Variants in FSIP1 observed in about 807,000 individuals in gnomAD.
FSIP1 encodes fibrous sheath-interacting protein 1.
FSIP1 carries 65 observed loss-of-function variants against 60.9 expected under a neutral mutation model. The ratio of observed to expected loss-of-function variants is 1.07; its 90% CI spans 0.87 to 1.31. The LOEUF is 1.31. FSIP1 is among the 40% of genes most tolerant of loss of function. The probability of loss-of-function intolerance (pLI) is 0.00; values close to 1 mark genes in which losing one functional copy is unlikely to be tolerated. For missense variants in FSIP1, 675 were observed against 665.5 expected, an observed-to-expected ratio of 1.01 and a Z score of -0.16; for synonymous variants, 209 against 221.2, an observed-to-expected ratio of 0.94 and a Z score of 0.49.
chr15:39,776,587 ATTAG>A (rs1898073274), intron 1 of FSIP1, 56 bp from the exon 2 acceptor site: 12 of 1,406,952 alleles, frequency 8.5e-6, no homozygotes, highest in Non-Finnish European at 1.2e-5. Flanking sequence ...TAAATCTTTC[ATTAG>A]TTAGTATTAA....
intron 8 of FSIP1, among the ~76,000 whole-genome samples, chr15:39,731,582 T>A (rs981320053): frequency 3.9e-5 from 6 of 152,194 alleles, no homozygotes; most frequent in Non-Finnish European, 7.3e-5. Context: ...CACTATGCCG[T>A]TACAGAAATA....
chr15:39,689,148 C>T (rs1371443450), intron 10 of FSIP1, among the ~76,000 whole-genome samples: 3 of 152,072 alleles, frequency 2.0e-5, no homozygotes, highest in African/African-American at 7.2e-5. Context: ...TACTGCTTTA[C>T]TATAAAGGAT....
At chr15:39,634,020 A>C (rs1033115789) in intron 10 of FSIP1, among the ~76,000 whole-genome samples, 1 of 152,026 alleles carries the variant, frequency 6.6e-6, no homozygotes, top group African/African-American at 2.4e-5. Flanking sequence ...CCAGTGCCCC[A>C]CCATCCCTCA....
chr15:39,771,686 G>GA (rs1897893168), intron 2 of FSIP1, among the ~76,000 whole-genome samples: 1 of 152,174 alleles, frequency 6.6e-6, no homozygotes, highest in Non-Finnish European at 1.5e-5. Flanking sequence ...TAACAGAGAA[G>GA]AAAACAGACC....
At chr15:39,726,870 CACA>C in intron 8 of FSIP1, 123 bp from the exon 9 acceptor site, 2 of 631,482 alleles carry the variant, frequency 3.2e-6, no homozygotes, top group South Asian at 2.0e-5. Flanking sequence ...CACACACACA[CACA>C]ACACACACAA....
At chr15:39,674,253 A>G (rs1893844521) in intron 10 of FSIP1, among the ~76,000 whole-genome samples, 1 of 151,974 alleles carries the variant, frequency 6.6e-6, no homozygotes, top group Non-Finnish European at 1.5e-5. Context: ...ACAGGGTTTC[A>G]CCGTGTTAGC....
chr15:39,686,521 T>G (rs149537917), intron 10 of FSIP1, among the ~76,000 whole-genome samples: 1 of 152,320 alleles, frequency 6.6e-6, no homozygotes, highest in African/African-American at 2.4e-5. Flanking sequence ...CTGAGATAAA[T>G]TTGTAGCTTC....
chr15:39,641,746 T>C (rs1446727574), intron 10 of FSIP1, among the ~76,000 whole-genome samples: 1 of 152,136 alleles, frequency 6.6e-6, no homozygotes, highest in African/African-American at 2.4e-5. Context: ...CTCCTTCCTA[T>C]GTCATAACAA....
chr15:39,711,328 T>C (rs1269837192), intron 10 of FSIP1, among the ~76,000 whole-genome samples: 2 of 152,108 alleles, frequency 1.3e-5, no homozygotes, highest in Non-Finnish European at 2.9e-5. Context: ...GCCTCTTTTA[T>C]AAAGTCACTA....
intron 10 of FSIP1, among the ~76,000 whole-genome samples, chr15:39,654,135 C>T (rs796573957): frequency 5.9e-5 from 9 of 152,148 alleles, no homozygotes; most frequent in South Asian, 2.1e-4. Context: ...AGGAACTGCT[C>T]GAGGTTGCTT....
chr15:39,729,673 T>C (rs1595670351), intron 8 of FSIP1, among the ~76,000 whole-genome samples: 1 of 152,034 alleles, frequency 6.6e-6, no homozygotes, highest in Admixed American at 6.6e-5. Flanking sequence ...TAAAGAAAAT[T>C]TGGGACATAC....
chr15:39,696,071 G>A (rs1399961876), intron 10 of FSIP1, among the ~76,000 whole-genome samples: 4 of 152,174 alleles, frequency 2.6e-5, no homozygotes, highest in African/African-American at 4.8e-5. Context: ...AAATGCTTTT[G>A]ATGGATCACT....
chr15:39,777,062 G>T (rs1368663762), intron 1 of FSIP1, among the ~76,000 whole-genome samples: 3 of 151,914 alleles, frequency 2.0e-5, no homozygotes, highest in Admixed American at 2.0e-4. Context: ...AAGTAGCTGG[G>T]ATTACAGGAG....
rs184301585 is a variant in FSIP1 at position 39,729,380 on chromosome 15, T to C, written c.892-2633A>G. Among the ~76,000 whole-genome samples, 30 of 152,288 alleles carry C rather than the reference T, an allele frequency of 2.0e-4. 1 individual carries two copies. The East Asian group carries it at 4.0e-3, about 21-fold the overall frequency. ...TGAGCCCAGGAGTTCAATATAAGCC[T>C]GAGCAACATGACAAAACCTCACCTT... is the stretch of plus-strand genomic sequence containing the variant. On this transcript the variant is annotated intron_variant, in intron 8 of 11. Transcript: ENST00000350221.
Position 39,632,599 on chromosome 15 carries a change from C to T in FSIP1, c.1189-14354G>A, listed in dbSNP as rs563005991. Among the ~76,000 whole-genome samples, 3 of 152,280 alleles carry T rather than the reference C, an allele frequency of 2.0e-5. No individual in the cohort carries two copies. In the South Asian group the frequency reaches 6.2e-4, roughly 32 times the overall value. ...CACGAGGTCAGGAGATCGAGACCAT[C>T]CTGGTCAACATGGTGCAACTCTGTG... On this transcript the variant is annotated intron_variant, in intron 10 of 11. Coordinates refer to ENST00000350221, the MANE Select transcript of FSIP1 (RefSeq NM_152597.5).
At chr15:39,624,708 G>T in intron 10 of FSIP1, among the ~76,000 whole-genome samples, 1 of 152,132 alleles carries the variant, frequency 6.6e-6, no homozygotes, top group East Asian at 1.9e-4. Flanking sequence ...AGGCAAGTCC[G>T]GCAGGTAGAC....
intron 10 of FSIP1, among the ~76,000 whole-genome samples, chr15:39,646,762 T>C (rs1361685326): frequency 6.6e-6 from 1 of 151,438 alleles, no homozygotes; most frequent in Admixed American, 6.6e-5. Context: ...CATAAAGGTA[T>C]CCACATTTCC....
At position 39,685,937 on chromosome 15, in the gene FSIP1, C is replaced by G. The variant is rs530376458; in HGVS notation, c.1188+27507G>C. On this transcript the variant is annotated intron_variant, in intron 10 of 11. Transcript: ENST00000350221. Reference sequence around the variant, plus strand: ...AATGGAATGGGAAACTATGATTACACTATAATTTTAACATTTAACCCAAGT... The same window carrying G: ...AATGGAATGGGAAACTATGATTACAGTATAATTTTAACATTTAACCCAAGT... Among the ~76,000 whole-genome samples, 9 of 152,264 alleles carry G rather than the reference C, an allele frequency of 5.9e-5. 1 individual carries two copies. In the South Asian group the frequency reaches 1.4e-3, roughly 25 times the overall value.
chr15:39,739,584 A>G (rs567616785), intron 7 of FSIP1, 81 bp downstream of exon 7: 2 of 1,262,862 alleles, frequency 1.6e-6, no homozygotes, highest in African/African-American at 3.1e-5. Flanking sequence ...AAAAATATTT[A>G]AAGACACTGA....
Sources: gnomAD v4.1 joint callset for allele counts (sites outside exome capture counted in the v4.1 genomes callset) on GRCh38, gnomAD v4.1.1 for gene constraint, MANE v1.5 for transcripts, NCBI Gene and HGNC (gene_info 2026-07-23, HGNC 2026-07-21) for gene names.